The following CDH13 variants were observed in gnomAD, a reference collection of about 807,000 sequenced individuals.
The protein encoded by CDH13 is cadherin-13.
CDH13 carries 24 observed loss-of-function variants against 63.8 expected under a neutral mutation model. The observed-to-expected ratio is 0.38, with a 90% CI of 0.27 to 0.53. The LOEUF (loss-of-function observed/expected upper bound fraction) is 0.53. Among genes scored for constraint, CDH13 ranks in the 20% least tolerant of loss-of-function variants. CDH13 has a pLI of 0.85. For missense variants in CDH13, 1,049 were observed against 903.1 expected (o/e 1.16, Z -2.07); for synonymous variants, 503 against 355.3 (o/e 1.42, Z -4.67).
chr16:83,001,271 A>G (rs1321189627), intron 2 of CDH13, among the ~76,000 whole-genome samples: 1 of 152,220 alleles, frequency 6.6e-6, no homozygotes, highest in Admixed American at 6.5e-5. Flanking sequence ...CGTTCTTGCA[A>G]TTGAGAATGC....
chr16:83,439,656 G>A (rs2072426476), intron 6 of CDH13, among the ~76,000 whole-genome samples: 1 of 152,186 alleles, frequency 6.6e-6, no homozygotes, highest in South Asian at 2.1e-4. Flanking sequence ...GTCTGTCTGT[G>A]TTCATGCATA....
At chr16:83,473,728 C>T (rs534357043) in intron 6 of CDH13, among the ~76,000 whole-genome samples, 1 of 152,180 alleles carries the variant, frequency 6.6e-6, no homozygotes, top group Admixed American at 6.5e-5. Context: ...AAATATCTGA[C>T]ATGAGCTGTG....
rs1913942308 is a variant in CDH13 at position 83,009,864 on chromosome 16, T to C, written c.158-22146T>C. Reference sequence around the variant, plus strand: ...TTAGAATGGCTCAGGCCGGGTGCAGTGGCTCACGCCTGTAATCTCAGCACT... The same window carrying C: ...TTAGAATGGCTCAGGCCGGGTGCAGCGGCTCACGCCTGTAATCTCAGCACT... On this transcript the variant is annotated intron_variant, in intron 2 of 13. Coordinates refer to ENST00000567109, the MANE Select transcript of CDH13 (RefSeq NM_001257.5). Among the ~76,000 whole-genome samples, 4 of 152,094 alleles carry C rather than the reference T, an allele frequency of 2.6e-5. No individual in the cohort carries two copies. In the South Asian group the frequency reaches 8.3e-4, roughly 32 times the overall value.
intron 2 of CDH13, among the ~76,000 whole-genome samples, chr16:82,890,506 GTCA>G (rs2041042360): frequency 6.6e-6 from 1 of 152,190 alleles, no homozygotes; most frequent in Non-Finnish European, 1.5e-5. Flanking sequence ...CAGCTATGGA[GTCA>G]TCAACAGATG....
chr16:82,863,189 A>G (rs1331176975), intron 2 of CDH13, among the ~76,000 whole-genome samples: 1 of 152,238 alleles, frequency 6.6e-6, no homozygotes, highest in Non-Finnish European at 1.5e-5. Flanking sequence ...CAAAGGAGCC[A>G]GCTGTCTTGG....
intron 8 of CDH13, among the ~76,000 whole-genome samples, chr16:83,631,264 T>A (rs1910755374): frequency 6.6e-6 from 1 of 152,170 alleles, no homozygotes; most frequent in Non-Finnish European, 1.5e-5. Flanking sequence ...CAATAAAACT[T>A]GCCGGAGTCT....
chr16:83,576,050 G>A (rs1478262841), intron 7 of CDH13, among the ~76,000 whole-genome samples: 3 of 152,208 alleles, frequency 2.0e-5, no homozygotes, highest in Non-Finnish European at 4.4e-5. Context: ...GACAAGTTGA[G>A]TGGCATTTAG....
chr16:83,592,152 T>C (rs1328005295), intron 7 of CDH13, among the ~76,000 whole-genome samples: 2 of 152,242 alleles, frequency 1.3e-5, no homozygotes, highest in African/African-American at 2.4e-5. Flanking sequence ...ACTTGATTCC[T>C]GTTACTTCTT....
intron 1 of CDH13, among the ~76,000 whole-genome samples, chr16:82,760,115 CAT>C (rs1211927561): frequency 6.6e-6 from 1 of 152,154 alleles, no homozygotes; most frequent in African/African-American, 2.4e-5. Flanking sequence ...TTTTCCTAAG[CAT>C]AGAGTTTTTC....
chr16:83,298,047 C>CAAAAAA (rs71382871), intron 5 of CDH13, among the ~76,000 whole-genome samples: 8 of 99,542 alleles, frequency 8.0e-5, no homozygotes, highest in African/African-American at 1.5e-4. Flanking sequence ...CTTGTTTCTA[C>CAAAAAA]AAAAAAAAAA....
chr16:83,617,321 G>T (rs960897482), intron 8 of CDH13, among the ~76,000 whole-genome samples: 3 of 151,994 alleles, frequency 2.0e-5, no homozygotes, highest in African/African-American at 4.8e-5. Context: ...AATGTTACCT[G>T]TATACCATTA....
At chr16:82,819,052 C>T (rs117889737) in intron 1 of CDH13, among the ~76,000 whole-genome samples, 2,274 of 152,230 alleles carry the variant, frequency 0.015, 28 homozygotes, top group Non-Finnish European at 0.022. Flanking sequence ...GTGATTGCTT[C>T]TATTTATTCA....
chr16:83,498,460 C>G (rs1350846407), intron 7 of CDH13, among the ~76,000 whole-genome samples: 11 of 152,172 alleles, frequency 7.2e-5, no homozygotes, highest in Admixed American at 7.2e-4. Flanking sequence ...TTCTGTCATT[C>G]CTGAATTTGA....
chr16:83,113,623 C>G (rs1445202630), intron 3 of CDH13, among the ~76,000 whole-genome samples: 2 of 152,086 alleles, frequency 1.3e-5, no homozygotes, highest in Admixed American at 6.6e-5. Context: ...AGACAGGGCT[C>G]TAGGGGAAAA....
chr16:83,020,679 C>A (rs934803965), intron 2 of CDH13, among the ~76,000 whole-genome samples: 10 of 152,180 alleles, frequency 6.6e-5, no homozygotes, highest in African/African-American at 2.4e-4. Context: ...CCTAGGAAAC[C>A]AATATTGTGT....
chr16:83,447,428 A>C (rs2072740891), intron 6 of CDH13, among the ~76,000 whole-genome samples: 1 of 151,906 alleles, frequency 6.6e-6, no homozygotes, highest in Non-Finnish European at 1.5e-5. Context: ...AAAAACAAAG[A>C]AAAAAAAGTT....
chr16:82,786,446 T>G (rs1355165047), intron 1 of CDH13, among the ~76,000 whole-genome samples: 1 of 151,260 alleles, frequency 6.6e-6, no homozygotes, highest in Non-Finnish European at 1.5e-5. Context: ...TTTTTTTTTT[T>G]TTTTTTTTTC....
chr16:82,919,667 T>C (rs937099704), intron 2 of CDH13, among the ~76,000 whole-genome samples: 1 of 152,188 alleles, frequency 6.6e-6, no homozygotes, highest in Non-Finnish European at 1.5e-5. Context: ...AGTGAACATA[T>C]GTGTGCATGT....
intron 2 of CDH13, among the ~76,000 whole-genome samples, chr16:82,898,025 A>G (rs987215399): frequency 6.6e-6 from 1 of 152,216 alleles, no homozygotes; most frequent in Non-Finnish European, 1.5e-5. Flanking sequence ...AGTTGGCCTC[A>G]ATTGAGATGT....
Sources: allele counts gnomAD v4.1 joint callset (sites outside exome capture counted in the v4.1 genomes callset), GRCh38; gene constraint gnomAD v4.1.1; transcripts MANE v1.5; gene names NCBI Gene and HGNC (gene_info 2026-07-23, HGNC 2026-07-21).